The following ABCA13 variants were observed in gnomAD, a reference collection of about 807,000 sequenced individuals.
ABCA13 encodes ATP binding cassette subfamily A member 13.
In ABCA13, 476 loss-of-function variants were observed where a neutral mutation model predicts 478.7. The observed-to-expected ratio is 0.99, with a 90% CI of 0.92 to 1.07. ABCA13 has a LOEUF of 1.07. Among genes scored for constraint, ABCA13 ranks in the 50% least tolerant of loss-of-function variants. The probability of loss-of-function intolerance (pLI) is 0.00; values close to 1 mark genes in which losing one functional copy is unlikely to be tolerated. For synonymous variants in ABCA13, 2,252 were observed against 2,158.9 expected, an observed-to-expected ratio of 1.04 and a Z score of -1.20; for missense variants, 6,060 against 5,910.6, an observed-to-expected ratio of 1.03 and a Z score of -0.83.
intron 59 of ABCA13, chr7:48,627,025 G>A (rs2131618502): frequency 1.0e-6 from 1 of 985,426 alleles, no homozygotes; most frequent in Non-Finnish European, 1.2e-6. Context: ...CTCTGAAGTA[G>A]AGTGAGCTGA....
chr7:48,185,746 T>A (rs1796268841), intron 1 of ABCA13, among the ~76,000 whole-genome samples: 1 of 152,172 alleles, frequency 6.6e-6, no homozygotes. Flanking sequence ...TAATACTTGC[T>A]GTTGTAGAAA....
chr7:48,579,322 T>C (rs1324812696), intron 55 of ABCA13, among the ~76,000 whole-genome samples: 1 of 152,184 alleles, frequency 6.6e-6, no homozygotes, highest in South Asian at 2.1e-4. Flanking sequence ...GTGAAAGATA[T>C]GAACAGATGT....
At position 48,455,179 on chromosome 7, in the gene ABCA13, C is replaced by A. The variant is rs1325693533; in HGVS notation, c.12708C>A (p.Phe4236Leu). 7.6e-6 allele frequency: 12 copies of A among 1,588,404 alleles called. No individual in the cohort carries two copies. Among genetic ancestry groups the A allele is most frequent in the South Asian group, 2.3e-5 (2 of 87,080 alleles). ...CCGACCTGCTGCTGCCAGTCCTCTT[C>A]GTGGCCTTGGCCATGGGCTTGTTCA... ...TLADLLLPVL[F>L]VALAMGLFMV... The change falls in exon 43 of 62, where the codon TTC becomes TTA. Residue 4236 changes from phenylalanine to leucine, a missense_variant. Phe to Leu is a conservative substitution (Grantham distance 22). Transcript: ENST00000435803.
chr7:48,555,464 T>A (rs1183300315), intron 55 of ABCA13, among the ~76,000 whole-genome samples: 1 of 151,928 alleles, frequency 6.6e-6, no homozygotes, highest in African/African-American at 2.4e-5. Flanking sequence ...TCCCAGGCTT[T>A]ATTTTTTGCT....
chr7:48,482,832 T>C (rs1415690264), intron 46 of ABCA13, among the ~76,000 whole-genome samples: 3 of 152,240 alleles, frequency 2.0e-5, no homozygotes, highest in African/African-American at 2.4e-5. Flanking sequence ...CACTTTCTAA[T>C]GTGGCCAGCC....
At chr7:48,269,150 T>A in intron 16 of ABCA13, 56 bp downstream of exon 16, 1 of 999,144 alleles carries the variant, frequency 1.0e-6, no homozygotes, top group Non-Finnish European at 1.5e-6. Context: ...CTGAAGATAA[T>A]CAAAACCTAA....
chr7:48,329,537 C>G (rs544077747), intron 27 of ABCA13, among the ~76,000 whole-genome samples: 1 of 152,116 alleles, frequency 6.6e-6, no homozygotes, highest in Non-Finnish European at 1.5e-5. Flanking sequence ...AACAGACCAG[C>G]CTTTCTCTTT....
rs1319479567 is a variant in ABCA13 at position 48,575,596 on chromosome 7, T to C, written c.14355-4628T>C. On this transcript the variant is annotated intron_variant, in intron 55 of 61. Coordinates refer to ENST00000435803, the MANE Select transcript of ABCA13 (RefSeq NM_152701.5). ...TGTAGATTAGAAGCCATTGACATGA[T>C]GAGTAAGAGAATGGTATACAATGTA... is the stretch of plus-strand genomic sequence containing the variant. 2.6e-5 allele frequency among the ~76,000 whole-genome samples: 4 copies of C among 151,632 alleles called. No homozygotes were observed. The East Asian group carries it at 7.8e-4, about 30-fold the overall frequency.
intron 15 of ABCA13, among the ~76,000 whole-genome samples, chr7:48,263,744 C>G (rs1387303452): frequency 6.6e-6 from 1 of 151,744 alleles, no homozygotes; most frequent in Non-Finnish European, 1.5e-5. Context: ...TTATTTGATA[C>G]TGTTGAGCTT....
intron 59 of ABCA13, among the ~76,000 whole-genome samples, chr7:48,617,554 A>T (rs1465329319): frequency 6.6e-6 from 1 of 152,120 alleles, no homozygotes; most frequent in Non-Finnish European, 1.5e-5. Flanking sequence ...AGCTACAGAA[A>T]TCCCACAGAG....
chr7:48,411,904 C>T (rs191967309), intron 40 of ABCA13, among the ~76,000 whole-genome samples: 2 of 152,334 alleles, frequency 1.3e-5, no homozygotes, highest in Non-Finnish European at 2.9e-5. Context: ...CTTCCTCTCT[C>T]ATTCAGCGTG....
At chr7:48,570,554 ACCTCGTGATCCACCCG>A (rs1178739926) in intron 55 of ABCA13, among the ~76,000 whole-genome samples, 1 of 151,128 alleles carries the variant, frequency 6.6e-6, no homozygotes, top group Admixed American at 6.6e-5. Context: ...TGATCTCCTC[ACCTCGTGATCCACCCG>A]CCTCGGCCTC....
chr7:48,434,811 C>T (rs944456309), intron 42 of ABCA13, among the ~76,000 whole-genome samples: 1 of 151,750 alleles, frequency 6.6e-6, no homozygotes, highest in African/African-American at 2.4e-5. Context: ...AACCAATTGA[C>T]CATATATGTG....
At chr7:48,198,535 G>A (rs970425681) in intron 3 of ABCA13, among the ~76,000 whole-genome samples, 175 bp downstream of exon 3, 13 of 152,244 alleles carry the variant, frequency 8.5e-5, no homozygotes, top group Non-Finnish European at 1.0e-4. Context: ...CTAATGGTTA[G>A]CTTCCAGCAG....
At position 48,249,345 on chromosome 7, in the gene ABCA13, C is replaced by A. The variant is rs746321897; in HGVS notation, c.1999C>A (p.Leu667Ile). 3.1e-6 allele frequency: 5 copies of A among 1,612,750 alleles called. No individual in the cohort carries two copies. In the African/African-American group the frequency reaches 6.7e-5, roughly 22 times the overall value. Residue 667 changes from leucine to isoleucine, a missense_variant, in exon 15 of 62, where the codon CTA becomes ATA. Leu to Ile is a conservative substitution (Grantham distance 5, BLOSUM62 2). Around this residue, in one of 3 missense-constraint regions of ABCA13, gnomAD observed 4,423 missense variants for 4,309.1 expected, o/e 1.03. Transcript: ENST00000435803. ...VNMQESFQNR[L>I]LAFPEESPCF... ...TATGCAAGAGAGTTTCCAGAACAGA[C>A]TATTGGGTAAGTCAGTAGCCTAAAC...
chr7:48,298,551 G>C, intron 23 of ABCA13, 64 bp downstream of exon 23: 1 of 1,555,294 alleles, frequency 6.4e-7, no homozygotes, highest in Admixed American at 1.9e-5. Context: ...GAAGTCACTG[G>C]CACTGTGTTG....
intron 35 of ABCA13, among the ~76,000 whole-genome samples, chr7:48,386,681 T>G (rs1207747098): frequency 6.6e-6 from 1 of 152,220 alleles, no homozygotes; most frequent in South Asian, 2.1e-4. Context: ...TGGCTAGATA[T>G]ATGCAGAAAA....
At chr7:48,478,545 A>T (rs1165537210) in intron 45 of ABCA13, among the ~76,000 whole-genome samples, 3 of 152,136 alleles carry the variant, frequency 2.0e-5, no homozygotes, top group East Asian at 3.9e-4. Flanking sequence ...AAGTTTATAT[A>T]TCATCTCAAG....
intron 41 of ABCA13, among the ~76,000 whole-genome samples, chr7:48,417,372 C>T (rs1820162236): frequency 6.6e-6 from 1 of 152,118 alleles, no homozygotes; most frequent in African/African-American, 2.4e-5. Context: ...CCTGCTGCCC[C>T]ATATCTTCTT....
Sources: gnomAD v4.1 joint callset for allele counts (sites outside exome capture counted in the v4.1 genomes callset) on GRCh38, gnomAD v4.1.1 for gene constraint, gnomAD v4.1.1 regional missense constraint, MANE v1.5 for transcripts, NCBI Gene and HGNC (gene_info 2026-07-23, HGNC 2026-07-21) for gene names.